Variants in PPP6R3 observed in about 807,000 individuals in gnomAD.
PPP6R3 encodes the protein serine/threonine-protein phosphatase 6 regulatory subunit 3.
PPP6R3 carries 38 observed loss-of-function variants against 110.7 expected under a neutral mutation model. The observed-to-expected ratio is 0.34, with a 90% CI of 0.26 to 0.45. PPP6R3 has a LOEUF of 0.45. Ranked by LOEUF, PPP6R3 falls within the 20% of genes least tolerant of loss-of-function variation. The pLI, the probability that PPP6R3 is intolerant of heterozygous loss-of-function variation, is 1.00. For missense variants in PPP6R3, 870 were observed against 1,062.4 expected, an observed-to-expected ratio of 0.82 and a Z score of 2.52; for synonymous variants, 369 against 373.5, an observed-to-expected ratio of 0.99 and a Z score of 0.14.
chr11:68,557,432 A>G (rs1037190722), intron 7 of PPP6R3, among the ~76,000 whole-genome samples: 18 of 152,260 alleles, frequency 1.2e-4, no homozygotes, highest in Non-Finnish European at 2.1e-4. Context: ...CCTTGGGATG[A>G]GGTGTCAGGT....
chr11:68,598,367 G>A lies in PPP6R3; in HGVS notation c.2039-1974G>A, dbSNP rs112776099. The stretch of plus-strand genomic sequence containing the variant: ...AACACACTTGGCTGGACTGCGTGCC[G>A]CTGCTGCTGTGACTGTGGGCCTGGG... On this transcript the variant is annotated intron_variant, in intron 19 of 23. Coordinates refer to ENST00000393800, the MANE Select transcript of PPP6R3 (RefSeq NM_001164161.2). Among the ~76,000 whole-genome samples the A allele has an allele frequency of 5.9e-5, 9 of 152,278 alleles. 2 individuals carry two copies. Among genetic ancestry groups the A allele is most frequent in the African/African-American group, 1.9e-4 (8 of 41,544 alleles).
chr11:68,486,928 T>C (rs920289652), intron 1 of PPP6R3, among the ~76,000 whole-genome samples: 5 of 152,178 alleles, frequency 3.3e-5, no homozygotes, highest in African/African-American at 9.7e-5. Context: ...TGTAGTAATG[T>C]CATTTTTCAT....
intron 5 of PPP6R3, among the ~76,000 whole-genome samples, chr11:68,549,909 G>T (rs994660373): frequency 1.3e-5 from 2 of 152,172 alleles, no homozygotes; most frequent in African/African-American, 2.4e-5. Flanking sequence ...TGGAATGTAG[G>T]TGCCTGTGAA....
intron 15 of PPP6R3, among the ~76,000 whole-genome samples, chr11:68,585,737 A>T (rs1593616819): frequency 1.3e-5 from 2 of 152,132 alleles, no homozygotes; most frequent in Admixed American, 1.3e-4. Context: ...TTTTCTGTGC[A>T]TTATTGCATG....
At chr11:68,543,454 A>G (rs562974458) in intron 3 of PPP6R3, among the ~76,000 whole-genome samples, 1 of 146,732 alleles carries the variant, frequency 6.8e-6, no homozygotes, top group Non-Finnish European at 1.5e-5. Context: ...TCATTTTGGG[A>G]CCTTCTCATA....
intron 19 of PPP6R3, among the ~76,000 whole-genome samples, chr11:68,598,711 A>G (rs1341769470): frequency 1.3e-5 from 2 of 152,246 alleles, no homozygotes; most frequent in African/African-American, 4.8e-5. Flanking sequence ...GGGAAAGACT[A>G]TCTCAAAGAG....
intron 10 of PPP6R3, among the ~76,000 whole-genome samples, chr11:68,568,335 GTTAAT>G (rs1345568401): frequency 7.2e-5 from 11 of 152,096 alleles, no homozygotes; most frequent in Non-Finnish European, 1.6e-4. Flanking sequence ...TACAGTTATT[GTTAAT>G]TTATTCTGTT....
At chr11:68,561,758 C>A (rs2099422990) in intron 8 of PPP6R3, among the ~76,000 whole-genome samples, 1 of 152,064 alleles carries the variant, frequency 6.6e-6, no homozygotes, top group East Asian at 1.9e-4. Flanking sequence ...TGATAAAGCC[C>A]TCTTTCATTT....
At chr11:68,600,911 C>G (rs2099629824) in intron 20 of PPP6R3, among the ~76,000 whole-genome samples, 1 of 152,196 alleles carries the variant, frequency 6.6e-6, no homozygotes. Context: ...CAAAATGGAT[C>G]TTGAATTCAG....
intron 14 of PPP6R3, among the ~76,000 whole-genome samples, chr11:68,582,003 A>G (rs1274994291): frequency 1.3e-5 from 2 of 152,206 alleles, no homozygotes; most frequent in Non-Finnish European, 2.9e-5. Context: ...TTTACAAGAC[A>G]TACCCTATAC....
At chr11:68,594,299 GGAGAGAGAGAGAGAGAGAGAAAAA>G (rs2099605414) in intron 18 of PPP6R3, among the ~76,000 whole-genome samples, 1 of 139,226 alleles carries the variant, frequency 7.2e-6, no homozygotes, top group East Asian at 2.0e-4. Flanking sequence ...AGAGGAGAGA[GGAGAGAGAGAGAGAGAGAGAAAAA>G]GAGAGAGAGA....
At chr11:68,584,230 G>A (rs1490958685) in intron 15 of PPP6R3, among the ~76,000 whole-genome samples, 1 of 152,186 alleles carries the variant, frequency 6.6e-6, no homozygotes, top group African/African-American at 2.4e-5. Context: ...ACAGCTTCCT[G>A]CCTTGGCTTG....
At chr11:68,473,727 A>T (rs762285037) in intron 1 of PPP6R3, among the ~76,000 whole-genome samples, 16 of 152,202 alleles carry the variant, frequency 1.1e-4, no homozygotes, top group Non-Finnish European at 1.9e-4. Flanking sequence ...AACTGATTGC[A>T]TGATGTGTGG....
chr11:68,474,189 C>G (rs1309698032), intron 1 of PPP6R3, among the ~76,000 whole-genome samples: 1 of 152,032 alleles, frequency 6.6e-6, no homozygotes, highest in Non-Finnish European at 1.5e-5. Context: ...GGACTACAAG[C>G]ACACACCACC....
chr11:68,492,031 A>G (rs2098987429), intron 1 of PPP6R3, among the ~76,000 whole-genome samples: 2 of 152,332 alleles, frequency 1.3e-5, no homozygotes, highest in African/African-American at 4.8e-5. Context: ...TACTGTCTCC[A>G]TGAATTCGAC....
chr11:68,476,515 G>C (rs1186796265), intron 1 of PPP6R3, among the ~76,000 whole-genome samples: 1 of 151,826 alleles, frequency 6.6e-6, no homozygotes, highest in Non-Finnish European at 1.5e-5. Context: ...AGTATGTTTA[G>C]GTCATTAATT....
Position 68,614,590 on chromosome 11 carries a change from G to C in PPP6R3, c.*1473G>C. 1 of 1,504,814 alleles carries C rather than the reference G, an allele frequency of 6.6e-7. No individual in the cohort carries two copies. Among genetic ancestry groups the C allele is most frequent in the East Asian group, 2.5e-5 (1 of 40,390 alleles). The allele number at this position is 1,504,814 out of a possible 1,614,324, so 93.2% of individuals were successfully genotyped here. On this transcript the variant is annotated 3_prime_UTR_variant, in exon 24 of 24. Transcript: ENST00000393800. The stretch of plus-strand genomic sequence containing the variant: ...GCATATGGAAATAAAAGAATCAAAC[G>C]TCTAATGCCTTATTATTTCTGATTT...
chr11:68,574,988 C>A (rs1342827947), intron 13 of PPP6R3, among the ~76,000 whole-genome samples: 1 of 152,140 alleles, frequency 6.6e-6, no homozygotes, highest in Non-Finnish European at 1.5e-5. Flanking sequence ...GAGGCTATTC[C>A]CTGTTGAATG....
At chr11:68,602,746 G>C (rs1346654046) in intron 21 of PPP6R3, among the ~76,000 whole-genome samples, 2 of 152,150 alleles carry the variant, frequency 1.3e-5, no homozygotes, top group Non-Finnish European at 2.9e-5. Flanking sequence ...TTCTGTAAGT[G>C]GGTGCACTGA....
Sources: allele counts gnomAD v4.1 joint callset (sites outside exome capture counted in the v4.1 genomes callset), GRCh38; gene constraint gnomAD v4.1.1; transcripts MANE v1.5; gene names NCBI Gene and HGNC (gene_info 2026-07-23, HGNC 2026-07-21).